The following TCF4 variants were observed in gnomAD, a reference collection of about 807,000 sequenced individuals.
The protein encoded by TCF4 is SL3-3 enhancer factor 2.
In TCF4, 3 loss-of-function variants were observed where a neutral mutation model predicts 82.1. That is an observed-to-expected ratio of 0.04 (90% CI 0.02 to 0.09). TCF4 has a LOEUF of 0.09. Among genes scored for constraint, TCF4 ranks in the 10% least tolerant of loss-of-function variants. The pLI is 1.00. For synonymous variants in TCF4, 276 were observed against 309.6 expected (o/e 0.89, Z 1.14); for missense variants, 518 against 852.7 (o/e 0.61, Z 4.89).
intron 2 of TCF4, among the ~76,000 whole-genome samples, chr18:55,615,124 T>C (rs1187685906): frequency 6.6e-6 from 1 of 152,142 alleles, no homozygotes; most frequent in African/African-American, 2.4e-5. Context: ...CTACATAGCC[T>C]TCTAAGATTT....
chr18:55,342,783 T>C (rs2080281659), intron 8 of TCF4, among the ~76,000 whole-genome samples: 1 of 152,144 alleles, frequency 6.6e-6, no homozygotes, highest in Admixed American at 6.6e-5. Flanking sequence ...AATATTATTG[T>C]ACTGTGTTAA....
chr18:55,588,506 C>T (rs1568472635), upstream of TCF4: 1 of 1,535,168 alleles, frequency 6.5e-7, no homozygotes. Flanking sequence ...CAATCTGAAG[C>T]CTGAACAGTT....
At chr18:55,414,178 T>C (rs1424102055) in intron 5 of TCF4, among the ~76,000 whole-genome samples, 2 of 152,180 alleles carry the variant, frequency 1.3e-5, no homozygotes, top group Non-Finnish European at 2.9e-5. Context: ...GACTTAATAT[T>C]TGTTAGAATG....
Position 55,373,348 on chromosome 18 carries a change from T to C in TCF4, c.370-22345A>G, listed in dbSNP as rs571559558. Among the ~76,000 whole-genome samples the C allele has an allele frequency of 2.0e-5, 3 of 152,194 alleles. No individual in the cohort carries two copies. The East Asian group carries it at 5.8e-4, about 29-fold the overall frequency. On this transcript the variant is annotated intron_variant, in intron 6 of 19. Transcript: ENST00000354452. ...TATAGTCCACCAAAAATATAAAATA[T>C]TCCTGAACTTCTAATCATTTATGAT...
At chr18:55,381,331 C>T (rs959335044) in intron 6 of TCF4, among the ~76,000 whole-genome samples, 1 of 152,076 alleles carries the variant, frequency 6.6e-6, no homozygotes, top group African/African-American at 2.4e-5. Flanking sequence ...GTGAAAACAC[C>T]CAGGTTTGGA....
Position 55,254,555 on chromosome 18 carries a change from C to G in TCF4, c.1292G>C (p.Gly431Ala). 6.2e-7 allele frequency: 1 copy of G among 1,613,802 alleles called. No homozygotes were observed. The highest frequency in any genetic ancestry group is 8.5e-7 in the Non-Finnish European group (1 of 1,179,848). ...GGTTCCATACCCTGAGCCCAGACCA[C>G]CCATGGCTCCATTATGAGAAGGTCC... is the stretch of plus-strand genomic sequence containing the variant. ...IIGPSHNGAM[G>A]GLGSGYGTGL... is the part of the protein sequence containing the mutation. The change falls in exon 15 of 20, where the codon GGT (glycine) becomes GCT (alanine). Residue 431 changes from glycine to alanine, a missense_variant. By Grantham distance (60) the Gly-to-Ala change is moderately conservative. Transcript: ENST00000354452.
At chr18:55,565,645 G>C (rs917393055) in intron 3 of TCF4, among the ~76,000 whole-genome samples, 2 of 152,000 alleles carry the variant, frequency 1.3e-5, no homozygotes, top group Non-Finnish European at 2.9e-5. Flanking sequence ...GAAATAACAA[G>C]ACTACCTCAA....
intron 3 of TCF4, chr18:55,550,463 T>C (rs777958153): frequency 3.3e-5 from 5 of 152,174 alleles, no homozygotes; most frequent in Non-Finnish European, 5.9e-5. Flanking sequence ...TGGGATCACA[T>C]GGACTCCCTA....
At chr18:55,631,774 C>T (rs1413273452) in intron 1 of TCF4, among the ~76,000 whole-genome samples, 2 of 152,166 alleles carry the variant, frequency 1.3e-5, no homozygotes, top group African/African-American at 2.4e-5. Context: ...GCAGTTATTT[C>T]GATTTGCAGT....
At chr18:55,277,605 T>A (rs1051692151) in intron 9 of TCF4, among the ~76,000 whole-genome samples, 5 of 136,060 alleles carry the variant, frequency 3.7e-5, no homozygotes, top group African/African-American at 1.3e-4. Context: ...CAACTCAATT[T>A]TTTTTTTTTT....
intron 3 of TCF4, among the ~76,000 whole-genome samples, chr18:55,486,647 A>T (rs1370305201): frequency 6.6e-6 from 1 of 152,192 alleles, no homozygotes; most frequent in East Asian, 1.9e-4. Flanking sequence ...CAAATATTGG[A>T]GAGCACAAAG....
Position 55,254,605 on chromosome 18 carries a change from A to G in TCF4, c.1242T>C (p.Gly414=), listed in dbSNP as rs748740717. The G allele has an allele frequency of 5.6e-6, 9 of 1,613,682 alleles. No individual in the cohort carries two copies. Among genetic ancestry groups the G allele is most frequent in the Non-Finnish European group, 1.7e-6 (2 of 1,179,836 alleles). ...AVGPSTAMPG[G]HGDMHGIIGP... is the part of the protein sequence containing the mutation. ...CAATGATTCCATGCATGTCCCCATG[A>G]CCACCAGGCATAGCTGTGGATGGGC... is the stretch of plus-strand genomic sequence containing the variant. The change falls in exon 15 of 20, where the codon GGT becomes GGC. Residue 414 remains glycine (G), a synonymous_variant. Transcript: ENST00000354452.
At chr18:55,447,010 G>GA (rs1171500760) in intron 5 of TCF4, among the ~76,000 whole-genome samples, 3 of 147,552 alleles carry the variant, frequency 2.0e-5, no homozygotes, top group Admixed American at 6.8e-5. Context: ...AGGAAAAAAA[G>GA]AAAAAAAAAT....
At chr18:55,626,344 A>T (rs1461271199) in intron 2 of TCF4, among the ~76,000 whole-genome samples, 2 of 152,144 alleles carry the variant, frequency 1.3e-5, no homozygotes, top group East Asian at 3.8e-4. Context: ...CCCCAGCTAA[A>T]TTTATCTAGA....
chr18:55,407,200 G>A (rs2094135697), intron 5 of TCF4, among the ~76,000 whole-genome samples: 1 of 152,050 alleles, frequency 6.6e-6, no homozygotes, highest in South Asian at 2.1e-4. Flanking sequence ...GATTTGCCGT[G>A]CATGAAATGA....
At chr18:55,453,649 T>G (rs2095671146) in intron 5 of TCF4, among the ~76,000 whole-genome samples, 1 of 152,100 alleles carries the variant, frequency 6.6e-6, no homozygotes, top group Non-Finnish European at 1.5e-5. Flanking sequence ...GACCACAGCA[T>G]TAGCTGTGCT....
At chr18:55,526,837 G>T (rs1053535958) in intron 3 of TCF4, among the ~76,000 whole-genome samples, 1 of 152,004 alleles carries the variant, frequency 6.6e-6, no homozygotes, top group African/African-American at 2.4e-5. Context: ...CCTTTGCTGG[G>T]TCACAAAATC....
chr18:55,497,044 T>C (rs1273316223), intron 3 of TCF4, among the ~76,000 whole-genome samples: 1 of 152,144 alleles, frequency 6.6e-6, no homozygotes, highest in Non-Finnish European at 1.5e-5. Flanking sequence ...CAACCATATT[T>C]CCACTGGGAG....
chr18:55,304,786 T>A (rs551809441), intron 8 of TCF4, among the ~76,000 whole-genome samples: 3 of 152,274 alleles, frequency 2.0e-5, no homozygotes, highest in African/African-American at 7.2e-5. Flanking sequence ...GAACTAGATA[T>A]GGGAAGGATC....
Sources: allele counts gnomAD v4.1 joint callset (sites outside exome capture counted in the v4.1 genomes callset), GRCh38; gene constraint gnomAD v4.1.1; transcripts MANE v1.5; gene names NCBI Gene and HGNC (gene_info 2026-07-23, HGNC 2026-07-21).